The following GXYLT2 variants were observed in gnomAD, a reference collection of about 807,000 sequenced individuals.
GXYLT2 encodes glycosyltransferase 8 domain containing 4.
Under a neutral mutation model 45.8 loss-of-function variants are expected in GXYLT2, and 53 were observed. That is an observed-to-expected ratio of 1.16 (90% CI 0.93 to 1.46). The LOEUF (loss-of-function observed/expected upper bound fraction) is 1.46. Ranked by LOEUF, GXYLT2 falls within the 40% of genes most tolerant of loss-of-function variation. The pLI, the probability that GXYLT2 is intolerant of heterozygous loss-of-function variation, is 0.00. For synonymous variants in GXYLT2, 219 were observed against 214.2 expected, an observed-to-expected ratio of 1.02 and a Z score of -0.19; for missense variants, 551 against 544.4, an observed-to-expected ratio of 1.01 and a Z score of -0.12.
chr3:72,925,150 C>A (rs1316779559), intron 3 of GXYLT2, among the ~76,000 whole-genome samples: 2 of 146,618 alleles, frequency 1.4e-5, no homozygotes, highest in African/African-American at 5.5e-5. Flanking sequence ...ATCTATTTTT[C>A]TTTTTCTTTC....
chr3:72,949,731 T>A (rs973850073), intron 3 of GXYLT2, among the ~76,000 whole-genome samples: 1 of 151,732 alleles, frequency 6.6e-6, no homozygotes, highest in Non-Finnish European at 1.5e-5. Context: ...GCCAGGATGG[T>A]CTTTATGTCT....
At chr3:72,911,975 GCA>G (rs1709633466) in intron 2 of GXYLT2, among the ~76,000 whole-genome samples, 6 of 139,220 alleles carry the variant, frequency 4.3e-5, no homozygotes, top group African/African-American at 1.4e-4. Flanking sequence ...GTGTGTGTGT[GCA>G]TGTGTGTGTG....
At chr3:72,960,639 G>A (rs1403148666) in intron 5 of GXYLT2, among the ~76,000 whole-genome samples, 1 of 152,134 alleles carries the variant, frequency 6.6e-6, no homozygotes, top group Non-Finnish European at 1.5e-5. Flanking sequence ...ACTGTCCTTC[G>A]TACAGCCTGC....
chr3:72,948,326 AT>A (rs964698896), intron 3 of GXYLT2, among the ~76,000 whole-genome samples: 1 of 152,176 alleles, frequency 6.6e-6, no homozygotes, highest in African/African-American at 2.4e-5. Flanking sequence ...TTTTTATCAA[AT>A]GTACAGGGAA....
chr3:72,967,930 T>G lies in GXYLT2; in HGVS notation c.1149+211T>G, dbSNP rs535807142. Among the ~76,000 whole-genome samples, 11 of 152,284 alleles carry G rather than the reference T, an allele frequency of 7.2e-5. No individual in the cohort carries two copies. In the East Asian group the frequency reaches 1.9e-3, roughly 27 times the overall value. ...GACTTATTTCCACGTACACCATTCA[T>G]TATCTTTTACTTAACCAAATTTACT... On this transcript the variant is annotated intron_variant, in intron 6 of 6. Coordinates refer to ENST00000389617, the MANE Select transcript of GXYLT2 (RefSeq NM_001080393.2).
chr3:72,915,845 A>G (rs1475167956), intron 2 of GXYLT2, among the ~76,000 whole-genome samples: 1 of 151,408 alleles, frequency 6.6e-6, no homozygotes, highest in Non-Finnish European at 1.5e-5. Context: ...AAAAAAAAAA[A>G]GAGAGATTGG....
chr3:72,931,305 G>A (rs896023473), intron 3 of GXYLT2, among the ~76,000 whole-genome samples: 13 of 151,542 alleles, frequency 8.6e-5, no homozygotes, highest in African/African-American at 2.9e-4. Context: ...TCCGCTCACT[G>A]CAAGCTCCGC....
Position 72,955,129 on chromosome 3 carries a change from A to G in GXYLT2, c.632A>G (p.Tyr211Cys). Residue 211 changes from tyrosine to cysteine, a missense_variant, in exon 4 of 7, where the codon TAC becomes TGC. By Grantham distance (194) the Tyr-to-Cys change is radical (BLOSUM62 -2). Coordinates refer to ENST00000389617, the MANE Select transcript of GXYLT2 (RefSeq NM_001080393.2). Reference protein sequence around the residue: ...VILKDVDSLLYVDTDVLFLRP... With the variant: ...VILKDVDSLLCVDTDVLFLRP... The stretch of plus-strand genomic sequence containing the variant: ...TTAAAGGATGTGGACTCACTTCTCT[A>G]CGTGGACACCGATGTCCTCTTTCTG... The G allele has an allele frequency of 6.2e-7, 1 of 1,613,934 alleles. No homozygotes were observed. The highest frequency in any genetic ancestry group is 2.2e-5 in the East Asian group (1 of 44,878).
chr3:72,898,017 T>C (rs988293133), intron 1 of GXYLT2, among the ~76,000 whole-genome samples: 2 of 152,246 alleles, frequency 1.3e-5, no homozygotes, highest in African/African-American at 2.4e-5. Context: ...CACCCACATA[T>C]ATTGGGTATA....
In GXYLT2 at chr3:72,955,127, C is replaced by T. The variant is rs199536473; in HGVS notation, c.630C>T (p.Leu210=). The T allele has an allele frequency of 7.9e-5, 128 of 1,613,998 alleles. No homozygotes were observed. Among genetic ancestry groups the T allele is most frequent in the Admixed American group, 2.7e-4 (16 of 60,022 alleles). The change falls in exon 4 of 7, where the codon CTC becomes CTT. Residue 210 remains leucine (L), a synonymous_variant. Coordinates refer to ENST00000389617, the MANE Select transcript of GXYLT2 (RefSeq NM_001080393.2). ...TTTTAAAGGATGTGGACTCACTTCT[C>T]TACGTGGACACCGATGTCCTCTTTC... ...PVILKDVDSL[L]YVDTDVLFLR... is the part of the protein sequence containing the mutation.
At chr3:72,959,567 T>G (rs13099810) in intron 5 of GXYLT2, among the ~76,000 whole-genome samples, 72,449 of 152,006 alleles carry the variant, frequency 0.48, 20,133 homozygotes, top group Non-Finnish European at 0.62. Context: ...AGCCTCTTAG[T>G]TCATGCCTTA....
Position 72,967,829 on chromosome 3 carries a change from A to T in GXYLT2, c.1149+110A>T, listed in dbSNP as rs895640593. The T allele has an allele frequency of 1.1e-5, 9 of 834,312 alleles. No individual in the cohort carries two copies. The African/African-American group carries it at 1.5e-4, about 14-fold the overall frequency. The allele number at this position is 834,312 out of a possible 1,614,324, so 51.7% of individuals were successfully genotyped here. On this transcript the variant is annotated intron_variant, in intron 6 of 6. Coordinates refer to ENST00000389617, the MANE Select transcript of GXYLT2 (RefSeq NM_001080393.2). The stretch of plus-strand genomic sequence containing the variant: ...CCAAATATTCCCAAAGCATAGAGTT[A>T]TACCAGTTATTCCCGACCTCAGTCA...
chr3:72,931,252 G>A (rs908400237), intron 3 of GXYLT2, among the ~76,000 whole-genome samples: 3 of 149,890 alleles, frequency 2.0e-5, no homozygotes, highest in African/African-American at 2.5e-5. Context: ...TTTTTGAGAC[G>A]GAGTCTTGCA....
At chr3:72,921,827 T>C (rs1438453849) in intron 2 of GXYLT2, among the ~76,000 whole-genome samples, 4 of 152,188 alleles carry the variant, frequency 2.6e-5, no homozygotes, top group African/African-American at 4.8e-5. Flanking sequence ...TTTGTTGGGT[T>C]TTTTTCCTCT....
At chr3:72,894,265 T>A (rs529079313) in intron 1 of GXYLT2, among the ~76,000 whole-genome samples, 13 of 152,304 alleles carry the variant, frequency 8.5e-5, no homozygotes, top group Admixed American at 8.5e-4. Context: ...GTGTTGGAGT[T>A]GAGGGTTCTG....
intron 5 of GXYLT2, among the ~76,000 whole-genome samples, chr3:72,961,674 A>AAAAACAG (rs1278781750): frequency 8.4e-6 from 1 of 118,978 alleles, no homozygotes; most frequent in Non-Finnish European, 1.7e-5. Flanking sequence ...AAAAAAAAAA[A>AAAAACAG]AGAGAGAGAG....
chr3:72,964,378 A>G (rs1710822357), intron 5 of GXYLT2, among the ~76,000 whole-genome samples: 1 of 151,312 alleles, frequency 6.6e-6, no homozygotes, highest in South Asian at 2.1e-4. Context: ...GCTGGAGTGC[A>G]GTGGTGCGAT....
At chr3:72,891,903 T>G (rs939396344) in intron 1 of GXYLT2, among the ~76,000 whole-genome samples, 10 of 145,816 alleles carry the variant, frequency 6.9e-5, no homozygotes, top group Non-Finnish European at 1.5e-4. Flanking sequence ...TCAAGAGAGA[T>G]TTTTTTTTTT....
At chr3:72,965,959 G>A (rs1354929148) in intron 5 of GXYLT2, among the ~76,000 whole-genome samples, 2 of 151,898 alleles carry the variant, frequency 1.3e-5, no homozygotes, top group African/African-American at 2.4e-5. Flanking sequence ...TCTCTTTCCT[G>A]TTGTAGGTGG....
Sources: gnomAD v4.1 joint callset for allele counts (sites outside exome capture counted in the v4.1 genomes callset) on GRCh38, gnomAD v4.1.1 for gene constraint, MANE v1.5 for transcripts, NCBI Gene and HGNC (gene_info 2026-07-23, HGNC 2026-07-21) for gene names.